The following ZNF782 variants were observed in gnomAD, a reference collection of about 807,000 sequenced individuals.
ZNF782 encodes the protein zinc finger protein 782.
A neutral mutation model predicts 13.0 loss-of-function variants in ZNF782; 12 were observed. The ratio of observed to expected loss-of-function variants is 0.92; its 90% confidence interval spans 0.59 to 1.50. ZNF782 has a LOEUF of 1.50. Among genes scored for constraint, ZNF782 ranks in the 40% most tolerant of loss-of-function variants. ZNF782 has a pLI of 0.00. For missense variants in ZNF782, 770 were observed against 822.9 expected (o/e 0.94, Z 0.79); for synonymous variants, 284 against 283.0 (o/e 1.00, Z -0.04).
chr9:96,926,633 G>A, the ZNF782 span, among the ~76,000 whole-genome samples: 1 of 151,696 alleles, frequency 6.6e-6, no homozygotes, highest in Non-Finnish European at 1.5e-5. Context: ...TTAGAGTTGG[G>A]ACAAAACCGA....
upstream of ZNF782, among the ~76,000 whole-genome samples, chr9:96,858,781 T>A (rs1185611891): frequency 1.3e-5 from 2 of 152,226 alleles, no homozygotes; most frequent in Non-Finnish European, 2.9e-5. The surrounding 1 kb of genome is among the most constrained non-coding windows in gnomAD (Gnocchi z 4.4). Flanking sequence ...AAGTGGAGCC[T>A]GATGGCTAAG....
chr9:96,863,350 T>TA (rs60984657), intron 1 of ZNF782, among the ~76,000 whole-genome samples: 2,691 of 140,100 alleles, frequency 0.019, 69 homozygotes, highest in African/African-American at 0.053. Flanking sequence ...AATTTAAAAA[T>TA]AAAAAAAAAA....
chr9:96,911,825 A>G, the ZNF782 span, among the ~76,000 whole-genome samples: 1 of 151,960 alleles, frequency 6.6e-6, no homozygotes, highest in Non-Finnish European at 1.5e-5. Flanking sequence ...CAGCCCTGAA[A>G]AACAATCTTA....
upstream of ZNF782, among the ~76,000 whole-genome samples, chr9:96,875,999 G>T (rs888289752): frequency 3.3e-5 from 5 of 152,300 alleles, no homozygotes; most frequent in East Asian, 3.9e-4. Context: ...ACTTCGCAGC[G>T]TTTTCTCTAT....
chr9:96,830,525 G>A (rs939831447), intron 4 of ZNF782, among the ~76,000 whole-genome samples: 4 of 152,108 alleles, frequency 2.6e-5, no homozygotes, highest in African/African-American at 9.7e-5. Context: ...TCTAGGTGCC[G>A]ACAGAGGCTG....
chr9:96,879,482 G>A (rs1001950817), upstream of ZNF782, among the ~76,000 whole-genome samples: 1 of 152,182 alleles, frequency 6.6e-6, no homozygotes, highest in Admixed American at 6.5e-5. Flanking sequence ...CAGCCTGGGC[G>A]ACAGAGCAAG....
chr9:96,907,475 C>T, the ZNF782 span, among the ~76,000 whole-genome samples: 9 of 152,256 alleles, frequency 5.9e-5, no homozygotes, highest in East Asian at 1.2e-3. Flanking sequence ...AAAATGGTTA[C>T]GATGGTAAAT....
the ZNF782 span, among the ~76,000 whole-genome samples, chr9:96,932,963 CTTTT>C: frequency 6.8e-6 from 1 of 147,016 alleles, no homozygotes; most frequent in East Asian, 2.1e-4. Context: ...TACTTACTTT[CTTTT>C]CTTTTCTTTT....
chr9:96,925,181 C>T, the ZNF782 span, among the ~76,000 whole-genome samples: 1 of 152,174 alleles, frequency 6.6e-6, no homozygotes. Flanking sequence ...CGCTGGAACC[C>T]CGCCCGCCTC....
upstream of ZNF782, among the ~76,000 whole-genome samples, chr9:96,856,017 T>A (rs1352427649): frequency 6.6e-6 from 1 of 152,228 alleles, no homozygotes; most frequent in Non-Finnish European, 1.5e-5. Flanking sequence ...TTTTTTCATA[T>A]GTTTGTTGGC....
chr9:96,898,131 T>C, the ZNF782 span: 2 of 149,342 alleles, frequency 1.3e-5, no homozygotes, highest in East Asian at 2.2e-4. Context: ...GGAGTCTCTG[T>C]TGCAAAAAAT....
upstream of ZNF782, among the ~76,000 whole-genome samples, chr9:96,858,279 G>A (rs1851667832): frequency 6.6e-6 from 1 of 152,192 alleles, no homozygotes; most frequent in Non-Finnish European, 1.5e-5. The surrounding 1 kb of genome is among the most constrained non-coding windows in gnomAD (Gnocchi z 4.4). Context: ...AGATTGGGCT[G>A]ATGAGTTAGA....
upstream of ZNF782, among the ~76,000 whole-genome samples, chr9:96,877,509 C>A (rs1030081100): frequency 6.6e-6 from 1 of 152,260 alleles, no homozygotes; most frequent in Non-Finnish European, 1.5e-5. Flanking sequence ...AGCGCCCTGC[C>A]GCGCCGCTTC....
chr9:96,913,526 CG>C, the ZNF782 span, among the ~76,000 whole-genome samples: 1 of 149,076 alleles, frequency 6.7e-6, no homozygotes, highest in Non-Finnish European at 1.5e-5. Context: ...TTTTTTTTGG[CG>C]GGGGGTTGGA....
the ZNF782 span, among the ~76,000 whole-genome samples, chr9:96,881,654 AT>A: frequency 6.6e-6 from 1 of 152,082 alleles, no homozygotes; most frequent in African/African-American, 2.4e-5. Context: ...TTCCATCATT[AT>A]TTATGGAAAA....
the ZNF782 span, among the ~76,000 whole-genome samples, chr9:96,906,232 AAC>A: frequency 1.3e-5 from 2 of 151,734 alleles, no homozygotes; most frequent in African/African-American, 4.9e-5. Context: ...TATACTCACC[AAC>A]ACAGAGTACT....
intron 1 of ZNF782, among the ~76,000 whole-genome samples, chr9:96,873,593 G>C (rs930312173): frequency 1.1e-4 from 17 of 152,192 alleles, no homozygotes; most frequent in African/African-American, 3.6e-4. Flanking sequence ...CTAGCTCCTT[G>C]GGAGGCTGAT....
the ZNF782 span, chr9:96,887,335 A>AAGGGAGGGAGGGAGGG: frequency 7.3e-6 from 1 of 137,618 alleles, no homozygotes; most frequent in African/African-American, 2.9e-5. Context: ...GGAAGGAAGG[A>AAGGGAGGGAGGGAGGG]AGGAAGAAAG....
At chr9:96,882,931 G>A in the ZNF782 span, among the ~76,000 whole-genome samples, 2 of 151,320 alleles carry the variant, frequency 1.3e-5, no homozygotes, top group African/African-American at 4.8e-5. Flanking sequence ...CTTTGATTTG[G>A]ATAATCCATG....
Sources: gnomAD v4.1 joint callset for allele counts (sites outside exome capture counted in the v4.1 genomes callset) on GRCh38, gnomAD v4.1.1 for gene constraint, Gnocchi (gnomAD v3.1) non-coding constraint, MANE v1.5 for transcripts, NCBI Gene and HGNC (gene_info 2026-07-23, HGNC 2026-07-21) for gene names.